Variants in ANK2 observed in about 807,000 individuals in gnomAD.
The protein encoded by ANK2 is ankyrin 2.
A neutral mutation model predicts 360.5 loss-of-function variants in ANK2; 83 were observed. The observed-to-expected ratio is 0.23, with a 90% CI of 0.19 to 0.28. The LOEUF is 0.28. ANK2 is among the 10% of genes least tolerant of loss of function. The pLI is 1.00. For missense variants in ANK2, 4,201 were observed against 4,795.7 expected (o/e 0.88, Z 3.66); for synonymous variants, 1,740 against 1,759.5 (o/e 0.99, Z 0.28).
At chr4:113,244,651 G>A (rs1338124841) in intron 9 of ANK2, among the ~76,000 whole-genome samples, 2 of 152,114 alleles carry the variant, frequency 1.3e-5, no homozygotes. Context: ...AAGTTCTGGG[G>A]TGCATATGCA....
intron 1 of ANK2, among the ~76,000 whole-genome samples, chr4:113,140,850 C>T (rs753261093): frequency 3.3e-5 from 5 of 151,980 alleles, no homozygotes; most frequent in Non-Finnish European, 4.4e-5. Flanking sequence ...TGGTGGTGCA[C>T]GCCTGCAGTC....
At chr4:112,863,514 CTTTTTTTTTTTTTT>C (rs952398354) in intron 1 of ANK2, among the ~76,000 whole-genome samples, 3 of 106,988 alleles carry the variant, frequency 2.8e-5, no homozygotes, top group African/African-American at 1.1e-4. Context: ...TTTAGAGTAT[CTTTTTTTTTTTTTT>C]TTTTTTTTTT....
At chr4:112,837,045 T>G (rs1218117422) in intron 1 of ANK2, among the ~76,000 whole-genome samples, 1 of 151,492 alleles carries the variant, frequency 6.6e-6, no homozygotes, top group African/African-American at 2.4e-5. Context: ...ATGCCAGAGG[T>G]CTTCAAGGCA....
At chr4:113,175,603 A>G (rs961635338) in intron 2 of ANK2, among the ~76,000 whole-genome samples, 1 of 152,204 alleles carries the variant, frequency 6.6e-6, no homozygotes, top group African/African-American at 2.4e-5. Context: ...TCTGTCTTCA[A>G]TCTTGTCCAC....
At chr4:112,709,393 T>A in the ANK2 span, among the ~76,000 whole-genome samples, 1 of 152,140 alleles carries the variant, frequency 6.6e-6, no homozygotes, top group South Asian at 2.1e-4. Context: ...ATGACTCTTA[T>A]GGCCATTTCC....
chr4:112,929,168 T>C (rs1193512645), intron 2 of ANK2, among the ~76,000 whole-genome samples: 1 of 152,124 alleles, frequency 6.6e-6, no homozygotes, highest in Non-Finnish European at 1.5e-5. Context: ...CTTCAGTTTT[T>C]TAAATTGAGT....
At chr4:112,835,910 C>T (rs1465889071) in intron 1 of ANK2, among the ~76,000 whole-genome samples, 1 of 152,084 alleles carries the variant, frequency 6.6e-6, no homozygotes, top group African/African-American at 2.4e-5. Context: ...ATGAATATTA[C>T]TTTTTTTCCC....
chr4:113,371,584 C>T (rs150485580), intron 43 of ANK2, among the ~76,000 whole-genome samples: 8 of 152,248 alleles, frequency 5.3e-5, no homozygotes, highest in African/African-American at 1.2e-4. Flanking sequence ...CAGGCCTGTT[C>T]GACTTATTCT....
At chr4:112,939,468 C>A (rs575456128) in intron 2 of ANK2, among the ~76,000 whole-genome samples, 47 of 137,450 alleles carry the variant, frequency 3.4e-4, no homozygotes, top group South Asian at 3.3e-3. Flanking sequence ...TGCCACCATG[C>A]CTGGCTAATT....
chr4:113,121,621 A>G (rs1023881466), intron 1 of ANK2, among the ~76,000 whole-genome samples: 1 of 152,180 alleles, frequency 6.6e-6, no homozygotes, highest in Non-Finnish European at 1.5e-5. Context: ...TATGATATAT[A>G]ATCATTTTTT....
At chr4:113,081,584 T>C (rs558464224) in intron 1 of ANK2, among the ~76,000 whole-genome samples, 1 of 152,318 alleles carries the variant, frequency 6.6e-6, no homozygotes, top group East Asian at 1.9e-4. Context: ...AAAATTTTGC[T>C]GCCATGGCAA....
intron 13 of ANK2, 29 bp downstream of exon 13, chr4:113,258,440 C>T (rs1563226122): frequency 6.3e-7 from 1 of 1,586,476 alleles, no homozygotes; most frequent in Non-Finnish European, 8.7e-7. Flanking sequence ...AGAATAACCC[C>T]AGGGAGGAAG....
the ANK2 span, among the ~76,000 whole-genome samples, chr4:112,758,877 T>C: frequency 6.6e-6 from 1 of 152,176 alleles, no homozygotes; most frequent in Non-Finnish European, 1.5e-5. Context: ...CAGTGGCCAC[T>C]TTGGGGATGA....
intron 43 of ANK2, among the ~76,000 whole-genome samples, chr4:113,372,080 C>A (rs747838210): frequency 5.3e-5 from 8 of 152,074 alleles, no homozygotes; most frequent in Non-Finnish European, 8.8e-5. Context: ...CTTTGACTTC[C>A]TGCAAAAAGT....
At chr4:113,328,863 T>A (rs2091411173) in intron 26 of ANK2, among the ~76,000 whole-genome samples, 1 of 152,250 alleles carries the variant, frequency 6.6e-6, no homozygotes, top group Admixed American at 6.5e-5. Flanking sequence ...TAAGATATTT[T>A]TCTTCATTTA....
intron 13 of ANK2, among the ~76,000 whole-genome samples, chr4:113,261,414 A>G (rs1380708316): frequency 6.6e-6 from 1 of 152,226 alleles, no homozygotes; most frequent in East Asian, 1.9e-4. Flanking sequence ...AAGTTCACAC[A>G]TTATATTATG....
Position 113,041,608 on chromosome 4 carries a change from A to G in ANK2, c.22-132808A>G, listed in dbSNP as rs1221508969. 3.3e-5 allele frequency among the ~76,000 whole-genome samples: 5 copies of G among 152,152 alleles called. No homozygotes were observed. In the East Asian group the frequency reaches 9.6e-4, roughly 29 times the overall value. ...TCCTAGTTTTAGGGAAATATTTTCC[A>G]TAAGCTAACAGGGCCATCTTACTAC... On this transcript the variant is annotated intron_variant, in intron 2 of 30. Coordinates refer to the ANK2 transcript ENST00000503271.
chr4:113,000,966 T>G (rs1383988725), intron 2 of ANK2, among the ~76,000 whole-genome samples: 1 of 152,206 alleles, frequency 6.6e-6, no homozygotes, highest in Non-Finnish European at 1.5e-5. Context: ...ATGTCTGAGA[T>G]AGTAGATATC....
At chr4:112,873,044 C>G (rs1478867817) in intron 1 of ANK2, among the ~76,000 whole-genome samples, 1 of 151,760 alleles carries the variant, frequency 6.6e-6, no homozygotes, top group Non-Finnish European at 1.5e-5. Context: ...CATTTTTATG[C>G]CTTGTGAGAT....
Sources: gnomAD v4.1 joint callset for allele counts (sites outside exome capture counted in the v4.1 genomes callset) on GRCh38, gnomAD v4.1.1 for gene constraint, MANE v1.5 for transcripts, NCBI Gene and HGNC (gene_info 2026-07-23, HGNC 2026-07-21) for gene names.